FLT3: variants seen among roughly 807,000 people sequenced by gnomAD.
FLT3 encodes fms related receptor tyrosine kinase 3, also known as receptor-type tyrosine-protein kinase FLT3.
A neutral mutation model predicts 126.6 loss-of-function variants in FLT3; 46 were observed. That is an observed-to-expected ratio of 0.36 (90% confidence interval 0.29 to 0.46). FLT3 has a LOEUF of 0.46. Among genes scored for constraint, FLT3 ranks in the 20% least tolerant of loss-of-function variants. The probability of loss-of-function intolerance (pLI) is 1.00; values close to 1 mark genes in which losing one functional copy is unlikely to be tolerated. For missense variants in FLT3, 1,069 were observed against 1,190.3 expected (o/e 0.90, Z 1.50); for synonymous variants, 404 against 434.4 (o/e 0.93, Z 0.87).
Position 28,048,294 on chromosome 13 carries a change from C to G in FLT3, c.1186G>C (p.Gly396Arg), listed in dbSNP as rs765282935. The change falls in exon 9 of 24, where the codon GGT (glycine) becomes CGT (arginine). Residue 396 changes from glycine to arginine, a missense_variant. Transcript: ENST00000241453. ...SRKSFPCEQK[G>R]LDNGYSISKF... ...TCTCACCTGTATCCGTTATCAAGAC[C>G]CTTTTGCTCACAAGGAAATGATTTT... 5.0e-6 allele frequency: 8 copies of G among 1,613,702 alleles called. No homozygotes were observed. In the South Asian group the frequency reaches 7.7e-5, roughly 16 times the overall value.
intron 4 of FLT3, among the ~76,000 whole-genome samples, chr13:28,055,685 T>C (rs1027569509): frequency 6.6e-6 from 1 of 152,206 alleles, no homozygotes. Flanking sequence ...CATTTTTACA[T>C]TGTAAATCTT....
At chr13:28,073,911 GC>G (rs1429589609) in intron 1 of FLT3, among the ~76,000 whole-genome samples, 6 of 142,552 alleles carry the variant, frequency 4.2e-5, no homozygotes, top group Non-Finnish European at 7.5e-5. Context: ...CTGCACTCCA[GC>G]CTGGGCAAAA....
intron 21 of FLT3, 69 bp downstream of exon 21, chr13:28,015,521 G>A: frequency 1.2e-6 from 1 of 819,028 alleles, no homozygotes; most frequent in Admixed American, 2.1e-5. Context: ...GGGGAGGGGT[G>A]GGGCGGCACC....
chr13:28,056,560 T>A (rs1427640613), intron 4 of FLT3, among the ~76,000 whole-genome samples: 3 of 152,168 alleles, frequency 2.0e-5, no homozygotes, highest in Non-Finnish European at 2.9e-5. Flanking sequence ...GCACGGAGTC[T>A]GTGCATGATG....
chr13:28,072,166 T>C (rs1322622574), intron 1 of FLT3, among the ~76,000 whole-genome samples: 1 of 150,562 alleles, frequency 6.6e-6, no homozygotes, highest in Non-Finnish European at 1.5e-5. Context: ...TATTTATATA[T>C]AATGTGTGTA....
chr13:28,063,337 G>A (rs1466792044), intron 2 of FLT3, among the ~76,000 whole-genome samples: 1 of 152,102 alleles, frequency 6.6e-6, no homozygotes, highest in East Asian at 1.9e-4. Flanking sequence ...AAAATTAGCT[G>A]GGTGTGGTGG....
chr13:28,084,128 A>G (rs1444171519), intron 1 of FLT3, among the ~76,000 whole-genome samples: 1 of 151,784 alleles, frequency 6.6e-6, no homozygotes, highest in Non-Finnish European at 1.5e-5. Flanking sequence ...ACTAGTGAGG[A>G]CTACAGACAT....
chr13:28,061,787 T>A lies in FLT3; in HGVS notation c.368+80A>T. ...CCCTGACTCACAAAAAAAAAAGGTT[T>A]ACAATAAACATGAACAGAAACTTGA... is the stretch of plus-strand genomic sequence containing the variant. On this transcript the variant is annotated intron_variant, in intron 3 of 23. Transcript: ENST00000241453. 7.6e-6 allele frequency: 9 copies of A among 1,180,338 alleles called. No individual in the cohort carries two copies. The South Asian group carries it at 8.6e-5, about 11-fold the overall frequency. 73.1% of individuals were successfully genotyped at this position (1,180,338 alleles called of 1,614,324 possible). A position where few individuals can be genotyped will look rare whatever the true frequency, so the allele number is the denominator to read the frequency against.
intron 5 of FLT3, among the ~76,000 whole-genome samples, chr13:28,051,140 G>A (rs9513006): frequency 0.22 from 33,272 of 152,054 alleles, 3,825 homozygotes; most frequent in Middle Eastern, 0.29. Context: ...ATCTGGCTCT[G>A]GATTCTATAT....
chr13:28,089,995 C>T (rs1878928739), intron 1 of FLT3, among the ~76,000 whole-genome samples: 1 of 151,848 alleles, frequency 6.6e-6, no homozygotes, highest in Non-Finnish European at 1.5e-5. Flanking sequence ...CCCGCCTCGG[C>T]CTCCCCAAAT....
chr13:28,049,340 C>T lies in FLT3; in HGVS notation c.1036+44G>A, dbSNP rs200852359. On this transcript the variant is annotated intron_variant, in intron 8 of 23. Coordinates refer to ENST00000241453, the MANE Select transcript of FLT3 (RefSeq NM_004119.3). ...ACATACTTCACATTCCACACTACAG[C>T]GACTAAAAATAGGAATAAAGATTGT... is the stretch of plus-strand genomic sequence containing the variant. The T allele has an allele frequency of 7.0e-5, 109 of 1,563,774 alleles. 1 individual carries two copies. Among genetic ancestry groups the T allele is most frequent in the Admixed American group, 1.2e-4 (7 of 56,862 alleles).
At chr13:28,014,387 G>T in intron 23 of FLT3, 65 bp downstream of exon 23, 1 of 1,173,170 alleles carries the variant, frequency 8.5e-7, no homozygotes, top group Non-Finnish European at 1.3e-6. Flanking sequence ...CAGGAAGACA[G>T]CAACAAGTGT....
chr13:28,019,480 C>T (rs1334151679), intron 19 of FLT3, among the ~76,000 whole-genome samples: 1 of 152,060 alleles, frequency 6.6e-6, no homozygotes, highest in East Asian at 1.9e-4. Flanking sequence ...GGGAACAGGG[C>T]ACTAGTAGCA....
At chr13:28,018,627 G>A in intron 19 of FLT3, 38 bp from the exon 20 acceptor site, 1 of 1,610,740 alleles carries the variant, frequency 6.2e-7, no homozygotes. Flanking sequence ...TTACTGTGAT[G>A]TGTATTATCC....
chr13:28,084,489 G>A (rs1878523845), intron 1 of FLT3, among the ~76,000 whole-genome samples: 1 of 151,858 alleles, frequency 6.6e-6, no homozygotes, highest in African/African-American at 2.4e-5. Context: ...TGTGTAGCTG[G>A]GAGTACAGGC....
In FLT3 at chr13:28,072,999, C is replaced by T. The variant is rs141605481; in HGVS notation, c.44-2387G>A. ...CAGCCTGGGCGACAGAGCGAGACTCCGTCTCTAAAAAAAAAAAACAACAAC... is the reference window on the plus strand; with the variant it reads ...CAGCCTGGGCGACAGAGCGAGACTCTGTCTCTAAAAAAAAAAAACAACAAC... On this transcript the variant is annotated intron_variant, in intron 1 of 23. Transcript: ENST00000241453. 5.7e-3 allele frequency among the ~76,000 whole-genome samples: 842 copies of T among 148,302 alleles called. 10 individuals are homozygous for T. Among genetic ancestry groups the T allele is most frequent in the Middle Eastern group, 0.021 (6 of 284 alleles).
rs376895552 is a variant in FLT3 at position 28,062,045 on chromosome 13, C to A, written c.190G>T (p.Gly64Trp). The A allele has an allele frequency of 6.2e-7, 1 of 1,612,164 alleles. No homozygotes were observed. The highest frequency in any genetic ancestry group is 1.3e-5 in the African/African-American group (1 of 74,820). Residue 64 changes from glycine to tryptophan, a missense_variant, in exon 3 of 24, where the codon GGG becomes TGG. Coordinates refer to ENST00000241453, the MANE Select transcript of FLT3 (RefSeq NM_004119.3). ...PMVSESPEDL[G>W]CALRPQSSGT... ...GAGCTCTGGGGTCTCAACGCACACC[C>A]GAGGTCTTCCGGGGATTCTGATACC...
At chr13:28,097,224 GAAAAAGAA>G (rs1879511353) in intron 1 of FLT3, among the ~76,000 whole-genome samples, 1 of 139,824 alleles carries the variant, frequency 7.2e-6, no homozygotes. Flanking sequence ...AAGAAAGAAA[GAAAAAGAA>G]AGAAAGAAAG....
At chr13:28,045,266 GTA>G (rs2137713988) in intron 9 of FLT3, among the ~76,000 whole-genome samples, 1 of 152,308 alleles carries the variant, frequency 6.6e-6, no homozygotes, top group South Asian at 2.1e-4. Flanking sequence ...AGCAATCTGT[GTA>G]CATTCTTGCG....
Sources: allele counts gnomAD v4.1 joint callset (sites outside exome capture counted in the v4.1 genomes callset), GRCh38; gene constraint gnomAD v4.1.1; transcripts MANE v1.5; gene names NCBI Gene and HGNC (gene_info 2026-07-23, HGNC 2026-07-21).